Variants in PDCD2L observed in about 807,000 individuals in gnomAD.
PDCD2L encodes the protein programmed cell death 2 like.
In PDCD2L, 44 loss-of-function variants were observed where a neutral mutation model predicts 40.4. The observed-to-expected ratio is 1.09, with a 90% CI of 0.86 to 1.40. PDCD2L has a LOEUF of 1.40. Among genes scored for constraint, PDCD2L ranks in the 40% most tolerant of loss-of-function variants. PDCD2L has a pLI of 0.00. For missense variants in PDCD2L, 470 were observed against 453.7 expected, an observed-to-expected ratio of 1.04 and a Z score of -0.33; for synonymous variants, 194 against 174.6, an observed-to-expected ratio of 1.11 and a Z score of -0.88.
intron 6 of PDCD2L, among the ~76,000 whole-genome samples, chr19:34,423,305 C>T (rs532679154): frequency 6.6e-6 from 1 of 151,846 alleles, no homozygotes; most frequent in East Asian, 1.9e-4. Context: ...GCCTCAGCCT[C>T]CTGAGTAGCT....
intron 5 of PDCD2L, among the ~76,000 whole-genome samples, chr19:34,414,121 A>G (rs751988748): frequency 6.6e-6 from 1 of 152,134 alleles, no homozygotes; most frequent in Non-Finnish European, 1.5e-5. Context: ...CAGATATAGC[A>G]AGAAACGGCA....
At chr19:34,420,405 A>G (rs1046232083) in intron 5 of PDCD2L, among the ~76,000 whole-genome samples, 1 of 151,598 alleles carries the variant, frequency 6.6e-6, no homozygotes, top group Non-Finnish European at 1.5e-5. Context: ...CCTTGCATTA[A>G]CTTTCTTTAT....
Position 34,426,108 on chromosome 19 carries a change from ATTGT to A in PDCD2L, c.1068_1071del (p.Phe357SerfsTer11), listed in dbSNP as rs765235415. The A allele has an allele frequency of 3.7e-5, 59 of 1,574,358 alleles. No individual in the cohort carries two copies. Among genetic ancestry groups the A allele is most frequent in the Non-Finnish European group, 4.9e-5 (56 of 1,145,068 alleles). ...TTATACAAGAAGACCCAGATGAATT[ATTGT>A]TTAAGTAGAGCATTTCCTTTTATTA... On this transcript the variant is annotated frameshift_variant, in exon 7 of 7. Coordinates refer to ENST00000246535, the MANE Select transcript of PDCD2L (RefSeq NM_032346.2). LOFTEE classifies it high-confidence loss of function.
At position 34,413,919 on chromosome 19, in the gene PDCD2L, A is replaced by G. The variant is rs2075115720; in HGVS notation, c.797+72A>G. The stretch of plus-strand genomic sequence containing the variant: ...GAATACATATTAGTTTGGAAAACAC[A>G]GGAAAATATGAGAAAAGCAAAACCT... On this transcript the variant is annotated intron_variant, in intron 5 of 6. Transcript: ENST00000246535. 4.0e-5 allele frequency: 41 copies of G among 1,019,800 alleles called. No homozygotes were observed. In the South Asian group the frequency reaches 5.9e-4, roughly 15 times the overall value. 63.2% of individuals were successfully genotyped at this position (1,019,800 alleles called of 1,614,324 possible).
At position 34,404,986 on chromosome 19, in the gene PDCD2L, C is replaced by T. The variant is rs773617043; in HGVS notation, c.332C>T (p.Ala111Val). 6.8e-6 allele frequency: 11 copies of T among 1,613,970 alleles called. No individual in the cohort carries two copies. The highest frequency in any genetic ancestry group is 9.3e-6 in the Non-Finnish European group (11 of 1,180,018). The change falls in exon 3 of 7, where the codon GCT becomes GTT. Residue 111 changes from alanine to valine, a missense_variant. Ala to Val is a moderately conservative substitution (Grantham distance 64). Transcript: ENST00000246535. ...LQVPEREAQD[A>V]QKQGNSLAAE... ...GTGCCAGAGAGAGAGGCGCAGGACG[C>T]TCAGGTAAAGGTTGTGATTGGCATG...
chr19:34,414,871 T>C (rs1192348312), intron 5 of PDCD2L, among the ~76,000 whole-genome samples: 2 of 152,038 alleles, frequency 1.3e-5, no homozygotes, highest in Non-Finnish European at 2.9e-5. Flanking sequence ...AGTGGCGTGA[T>C]CATTGCTCAC....
intron 6 of PDCD2L, chr19:34,421,885 C>A: frequency 2.6e-6 from 1 of 386,972 alleles, no homozygotes; most frequent in South Asian, 2.9e-5. Context: ...GTCAGGAGAT[C>A]GAGGCCATCC....
intron 1 of PDCD2L, 21 bp downstream of exon 1, chr19:34,404,559 T>TG: frequency 6.4e-7 from 1 of 1,560,352 alleles, no homozygotes; most frequent in South Asian, 1.2e-5. Flanking sequence ...GTGCCGGAGC[T>TG]GGGGTCGATG....
Position 34,404,484 on chromosome 19 carries a change from C to G in PDCD2L, c.54C>G (p.His18Gln). The change falls in exon 1 of 7, where the codon CAC (histidine) becomes CAG (glutamine). Residue 18 changes from histidine to glutamine, a missense_variant. By Grantham distance (24) the His-to-Gln change is conservative. Coordinates refer to ENST00000246535, the MANE Select transcript of PDCD2L (RefSeq NM_032346.2). ...TGGGCCTTCGAGATGCGCCGGTGCA[C>G]GGCAGCCCCACAGGGCCGGGTGCCT... Reference protein sequence around the residue: ...VLLGLRDAPVHGSPTGPGAWT... With the variant: ...VLLGLRDAPVQGSPTGPGAWT... 6.5e-7 allele frequency: 1 copy of G among 1,543,890 alleles called. No individual in the cohort carries two copies. Among genetic ancestry groups the G allele is most frequent in the Non-Finnish European group, 8.7e-7 (1 of 1,146,664 alleles).
intron 3 of PDCD2L, among the ~76,000 whole-genome samples, chr19:34,406,195 T>A (rs936153343): frequency 6.6e-6 from 1 of 152,196 alleles, no homozygotes; most frequent in Non-Finnish European, 1.5e-5. Context: ...TCTTCAACTT[T>A]TTTTTTTAAC....
At chr19:34,413,588 C>T (rs932570806) in intron 4 of PDCD2L, 149 bp from the exon 5 acceptor site, 43 of 444,840 alleles carry the variant, frequency 9.7e-5, no homozygotes, top group Non-Finnish European at 1.4e-4. Context: ...CTGCCTGCCT[C>T]GGCCTCCCAA....
At chr19:34,425,529 TTTTGTTTG>T (rs371976322) in intron 6 of PDCD2L, among the ~76,000 whole-genome samples, 7 of 151,870 alleles carry the variant, frequency 4.6e-5, no homozygotes, top group African/African-American at 1.4e-4. Context: ...TATATATATA[TTTTGTTTG>T]TTTGTTTGTT....
rs770596450 is a variant in PDCD2L, at chr19:34,404,464, C to G, written c.34C>G (p.Leu12Val). The G allele has an allele frequency of 3.2e-6, 5 of 1,544,834 alleles. No individual in the cohort carries two copies. The Admixed American group carries it at 9.8e-5, about 30-fold the overall frequency. Residue 12 changes from leucine (L) to valine (V), a missense_variant, in exon 1 of 7, where the codon CTT (leucine) becomes GTT (valine). Physicochemically the swap from Leu to Val is conservative, Grantham distance 32. Transcript: ENST00000246535. ...AAVLKPVLLG[L>V]RDAPVHGSPT... ...CGTTCTGAAGCCGGTGCTGCTGGGC[C>G]TTCGAGATGCGCCGGTGCACGGCAG...
intron 4 of PDCD2L, among the ~76,000 whole-genome samples, chr19:34,412,930 A>G (rs886990732): frequency 2.6e-5 from 4 of 151,756 alleles, no homozygotes; most frequent in Non-Finnish European, 5.9e-5. Flanking sequence ...TGTAGAGACA[A>G]GGTTCTGCCA....
chr19:34,420,866 G>T (rs1351059232), intron 5 of PDCD2L, among the ~76,000 whole-genome samples: 2 of 151,786 alleles, frequency 1.3e-5, no homozygotes, highest in African/African-American at 4.8e-5. Context: ...AACCTTTTTG[G>T]CATCAGGGAC....
intron 6 of PDCD2L, among the ~76,000 whole-genome samples, chr19:34,423,425 C>T (rs2075161821): frequency 6.6e-6 from 1 of 151,724 alleles, no homozygotes; most frequent in African/African-American, 2.4e-5. Flanking sequence ...CTCAAGCTCC[C>T]GACCTGCCTC....
rs765101659 is a variant in PDCD2L at position 34,421,664 on chromosome 19, T to A, written c.943T>A (p.Leu315Ile). The A allele has an allele frequency of 2.5e-6, 4 of 1,607,252 alleles. No individual in the cohort carries two copies. The South Asian group carries it at 3.4e-5, about 13-fold the overall frequency. ...ALVSMLKSAN[L>I]GLSVEFGTIL... ...GGTCAGCATGCTCAAGAGTGCTAATTTAGGTGAGAAGCCCTTTATTAATTT... is the reference window on the plus strand; with the variant it reads ...GGTCAGCATGCTCAAGAGTGCTAATATAGGTGAGAAGCCCTTTATTAATTT... The change falls in exon 6 of 7, where the codon TTA becomes ATA. Residue 315 changes from leucine (L) to isoleucine (I), a missense_variant. Transcript: ENST00000246535.
At position 34,404,477 on chromosome 19, in the gene PDCD2L, C is replaced by G. The variant is rs61741229; in HGVS notation, c.47C>G (p.Pro16Arg). 1.6e-5 allele frequency: 24 copies of G among 1,544,034 alleles called. No homozygotes were observed. The highest frequency in any genetic ancestry group is 2.2e-4 in the Middle Eastern group (1 of 4,568). The change falls in exon 1 of 7, where the codon CCG becomes CGG. Residue 16 changes from proline (P) to arginine (R), a missense_variant. Coordinates refer to ENST00000246535, the MANE Select transcript of PDCD2L (RefSeq NM_032346.2). ...GTGCTGCTGGGCCTTCGAGATGCGCCGGTGCACGGCAGCCCCACAGGGCCG... is the reference window on the plus strand; with the variant it reads ...GTGCTGCTGGGCCTTCGAGATGCGCGGGTGCACGGCAGCCCCACAGGGCCG... ...KPVLLGLRDA[P>R]VHGSPTGPGA...
rs185537002 is a variant in PDCD2L, at chr19:34,405,008, C to A, written c.336+18C>A. ...ACGCTCAGGTAAAGGTTGTGATTGG[C>A]ATGTTATTGTTTTTCTGTCATTTGA... On this transcript the variant is annotated intron_variant, in intron 3 of 6. Transcript: ENST00000246535. The A allele has an allele frequency of 6.2e-7, 1 of 1,613,440 alleles. No individual in the cohort carries two copies. The highest frequency in any genetic ancestry group is 2.2e-5 in the East Asian group (1 of 44,874).
Sources: gnomAD v4.1 joint callset for allele counts (sites outside exome capture counted in the v4.1 genomes callset) on GRCh38, gnomAD v4.1.1 for gene constraint, MANE v1.5 for transcripts, NCBI Gene and HGNC (gene_info 2026-07-23, HGNC 2026-07-21) for gene names.